CDC42BPA: variants seen among roughly 807,000 people sequenced by gnomAD.
The protein encoded by CDC42BPA is CDC42 binding protein kinase alpha, also known as serine/threonine-protein kinase MRCK alpha.
Under a neutral mutation model 223.5 loss-of-function variants are expected in CDC42BPA, and 80 were observed. The observed-to-expected ratio is 0.36, with a 90% CI of 0.30 to 0.43. The LOEUF (loss-of-function observed/expected upper bound fraction) is 0.43. Among genes scored for constraint, CDC42BPA ranks in the 20% least tolerant of loss-of-function variants. The probability of loss-of-function intolerance (pLI) is 1.00; values close to 1 mark genes in which losing one functional copy is unlikely to be tolerated. For missense variants in CDC42BPA, 1,743 were observed against 2,099.9 expected (o/e 0.83, Z 3.32); for synonymous variants, 694 against 718.6 (o/e 0.97, Z 0.55).
intron 15 of CDC42BPA, among the ~76,000 whole-genome samples, chr1:227,100,747 A>AGTGTGTGTGTGTGT (rs57210205): frequency 0.061 from 8,394 of 137,252 alleles, 305 homozygotes; most frequent in Middle Eastern, 0.12. Flanking sequence ...ATACCCAGCT[A>AGTGTGTGTGTGTGT]GTGTGTGTGT....
intron 1 of CDC42BPA, among the ~76,000 whole-genome samples, chr1:227,257,753 CA>C (rs150973701): frequency 1.1e-4 from 16 of 140,096 alleles, no homozygotes; most frequent in Non-Finnish European, 9.3e-5. Flanking sequence ...GACTCTGTCT[CA>C]AAAAAAAAAG....
chr1:226,990,221 T>C lies in CDC42BPA; in HGVS notation c.*4047A>G, dbSNP rs1056682183. On this transcript the variant is annotated 3_prime_UTR_variant, in exon 37 of 37. Transcript: ENST00000366766. ...TAAAAAATTTATAAAATGAATGATA[T>C]TACACTATCAAATAAAAAGACAAGT... The C allele has an allele frequency of 6.6e-6, 1 of 152,172 alleles. No homozygotes were observed. Among genetic ancestry groups the C allele is most frequent in the Non-Finnish European group, 1.5e-5 (1 of 68,032 alleles). The allele number at this position is 152,172 out of a possible 1,614,324, so 9.4% of individuals were successfully genotyped here.
At chr1:227,307,758 G>A (rs1276755669) in intron 1 of CDC42BPA, among the ~76,000 whole-genome samples, 3 of 152,082 alleles carry the variant, frequency 2.0e-5, no homozygotes, top group African/African-American at 4.8e-5. Context: ...ATACATTTAC[G>A]GGTGCTGCAT....
chr1:227,101,268 C>A, intron 14 of CDC42BPA, 29 bp from the exon 15 acceptor site: 1 of 1,316,304 alleles, frequency 7.6e-7, no homozygotes, highest in Non-Finnish European at 1.0e-6. Context: ...AAGATTAGTG[C>A]ATCTACAAGA....
chr1:227,080,709 G>A (rs944684842), intron 17 of CDC42BPA, among the ~76,000 whole-genome samples, 184 bp downstream of exon 17: 40 of 152,094 alleles, frequency 2.6e-4, no homozygotes, highest in Non-Finnish European at 5.4e-4. Flanking sequence ...AGGGAACAGA[G>A]GAATGTAACA....
At chr1:227,098,773 T>A (rs1328892104) in intron 15 of CDC42BPA, among the ~76,000 whole-genome samples, 1 of 151,832 alleles carries the variant, frequency 6.6e-6, no homozygotes, top group South Asian at 2.1e-4. Context: ...TTCTAAGTGG[T>A]CTCATCACTT....
intron 15 of CDC42BPA, among the ~76,000 whole-genome samples, chr1:227,099,587 C>G (rs1684628506): frequency 6.6e-6 from 1 of 152,246 alleles, no homozygotes; most frequent in South Asian, 2.1e-4. Context: ...ACTTACAAGG[C>G]TTTACATGAT....
chr1:227,193,240 T>G (rs1184034521), intron 5 of CDC42BPA, among the ~76,000 whole-genome samples: 1 of 151,730 alleles, frequency 6.6e-6, no homozygotes, highest in Non-Finnish European at 1.5e-5. Flanking sequence ...CGGCTAATTT[T>G]TTTTTGTATT....
At chr1:227,219,674 C>A (rs1443752099) in intron 2 of CDC42BPA, among the ~76,000 whole-genome samples, 3 of 152,004 alleles carry the variant, frequency 2.0e-5, no homozygotes, top group South Asian at 2.1e-4. Context: ...ACCCACTGGG[C>A]CTATATATCT....
At chr1:227,213,829 C>T (rs979007113) in intron 2 of CDC42BPA, among the ~76,000 whole-genome samples, 8 of 152,004 alleles carry the variant, frequency 5.3e-5, no homozygotes, top group African/African-American at 1.9e-4. Context: ...CTTTACACAT[C>T]CCTTCCAAAA....
intron 1 of CDC42BPA, among the ~76,000 whole-genome samples, chr1:227,255,991 A>T (rs1226978078): frequency 1.3e-5 from 2 of 152,216 alleles, no homozygotes; most frequent in African/African-American, 4.8e-5. Context: ...CAACCCATAG[A>T]ATGGGAAAAG....
At chr1:227,103,131 T>C (rs1362820525) in intron 14 of CDC42BPA, among the ~76,000 whole-genome samples, 1 of 152,064 alleles carries the variant, frequency 6.6e-6, no homozygotes, top group Non-Finnish European at 1.5e-5. Flanking sequence ...GACCAACATA[T>C]AAAATTGTCT....
intron 11 of CDC42BPA, among the ~76,000 whole-genome samples, chr1:227,124,561 T>A (rs1689202960): frequency 6.6e-6 from 1 of 151,846 alleles, no homozygotes; most frequent in Admixed American, 6.6e-5. Flanking sequence ...TGTATTTTTT[T>A]AAAAAAAGGG....
chr1:227,049,712 G>C (rs1673144724), intron 22 of CDC42BPA, among the ~76,000 whole-genome samples: 1 of 152,064 alleles, frequency 6.6e-6, no homozygotes, highest in African/African-American at 2.4e-5. Flanking sequence ...AAAGAACAAT[G>C]GAAAAGAATT....
At chr1:227,011,028 G>T (rs187224217) in intron 34 of CDC42BPA, 1 of 1,357,448 alleles carries the variant, frequency 7.4e-7, no homozygotes, top group South Asian at 1.2e-5. Flanking sequence ...AGATCAGACC[G>T]GAGTGATGAT....
At chr1:227,205,282 AAATATATAT>A (rs1467614431) in intron 3 of CDC42BPA, among the ~76,000 whole-genome samples, 547 of 27,320 alleles carry the variant, frequency 0.02, 5 homozygotes, top group Middle Eastern at 0.083. Context: ...AAAAAAAAAA[AAATATATAT>A]ATATATATAT....
At chr1:227,093,067 C>A (rs960017097) in intron 15 of CDC42BPA, among the ~76,000 whole-genome samples, 3 of 152,180 alleles carry the variant, frequency 2.0e-5, no homozygotes, top group African/African-American at 7.2e-5. Context: ...GCCCAGGATC[C>A]AACTGAGAAA....
At chr1:227,168,834 A>G (rs1665608193) in intron 5 of CDC42BPA, among the ~76,000 whole-genome samples, 3 of 152,058 alleles carry the variant, frequency 2.0e-5, no homozygotes, top group African/African-American at 2.4e-5. Flanking sequence ...ACATAAAATT[A>G]TATCTTTCAT....
Position 227,295,034 on chromosome 1 carries a change from C to CA in CDC42BPA, c.178+21970_178+21971insT, listed in dbSNP as rs1360119826. On this transcript the variant is annotated intron_variant, in intron 1 of 36. Coordinates refer to ENST00000366766, the MANE Select transcript of CDC42BPA (RefSeq NM_001394014.1). ...GGTTAGCACAAAAATGACAAATCTG[C>CA]TATGTTACAGCAGTGAAAATTTTTT... 4.6e-5 allele frequency among the ~76,000 whole-genome samples: 7 copies of CA among 151,430 alleles called. No homozygotes were observed. In the East Asian group the frequency reaches 1.4e-3, roughly 29 times the overall value.
Sources: gnomAD v4.1 joint callset for allele counts (sites outside exome capture counted in the v4.1 genomes callset) on GRCh38, gnomAD v4.1.1 for gene constraint, MANE v1.5 for transcripts, NCBI Gene and HGNC (gene_info 2026-07-23, HGNC 2026-07-21) for gene names.